UGT2B10: variants seen among roughly 807,000 people sequenced by gnomAD.
The protein encoded by UGT2B10 is UDP glucuronosyltransferase family 2 member B10, also known as UDP-glucuronosyltransferase 2B10.
In UGT2B10, 51 loss-of-function variants were observed where a neutral mutation model predicts 43.7. The observed-to-expected ratio is 1.17, with a 90% CI of 0.93 to 1.47. The LOEUF (loss-of-function observed/expected upper bound fraction) is 1.47. Among genes scored for constraint, UGT2B10 ranks in the 40% most tolerant of loss-of-function variants. The probability of loss-of-function intolerance (pLI) is 0.00; values close to 1 mark genes in which losing one functional copy is unlikely to be tolerated. For synonymous variants in UGT2B10, 225 were observed against 209.0 expected, an observed-to-expected ratio of 1.08 and a Z score of -0.66; for missense variants, 696 against 617.7, an observed-to-expected ratio of 1.13 and a Z score of -1.34.
intron 2 of UGT2B10, among the ~76,000 whole-genome samples, chr4:68,819,860 AG>A (rs1020645537): frequency 2.0e-5 from 3 of 152,082 alleles, no homozygotes; most frequent in Non-Finnish European, 4.4e-5. Context: ...TCACATTTTA[AG>A]GCATATGTAA....
rs961859315 is a variant in UGT2B10, at chr4:68,830,924, C to T, written c.*45C>T. The T allele has an allele frequency of 6.4e-7, 1 of 1,570,078 alleles. No individual in the cohort carries two copies. Among genetic ancestry groups the T allele is most frequent in the Non-Finnish European group, 8.6e-7 (1 of 1,158,708 alleles). On this transcript the variant is annotated 3_prime_UTR_variant, in exon 6 of 6. Transcript: ENST00000265403. The stretch of plus-strand genomic sequence containing the variant: ...CTGGAAAACCTGATAGATAGGAATA[C>T]TTCAGTTGATTCCAGCAATAAATAT...
chr4:68,826,988 C>T (rs1187955541), intron 4 of UGT2B10, among the ~76,000 whole-genome samples: 4 of 152,090 alleles, frequency 2.6e-5, no homozygotes, highest in Non-Finnish European at 4.4e-5. Flanking sequence ...CTGCCTTGCA[C>T]ACCCCACATA....
chr4:68,826,532 T>A (rs770474112), intron 4 of UGT2B10, 35 bp downstream of exon 4: 11 of 1,588,422 alleles, frequency 6.9e-6, no homozygotes, highest in Non-Finnish European at 9.4e-6. Flanking sequence ...GATATATTAG[T>A]AACTGCACAT....
intron 2 of UGT2B10, among the ~76,000 whole-genome samples, chr4:68,819,310 A>G (rs1394111125): frequency 6.6e-6 from 1 of 151,934 alleles, no homozygotes; most frequent in Non-Finnish European, 1.5e-5. Flanking sequence ...TCAGCACATC[A>G]AGGTTATATT....
At chr4:68,818,779 TTCTCAA>T (rs1737351900) in intron 2 of UGT2B10, among the ~76,000 whole-genome samples, 1 of 151,790 alleles carries the variant, frequency 6.6e-6, no homozygotes, top group African/African-American at 2.4e-5. Context: ...GTCAGGACAG[TTCTCAA>T]GTCCTCAGGT....
intron 4 of UGT2B10, 139 bp from the exon 5 acceptor site, chr4:68,827,190 T>A: frequency 1.4e-6 from 2 of 1,412,078 alleles, no homozygotes; most frequent in Admixed American, 4.4e-5. Flanking sequence ...CAAGTACCTG[T>A]TTTTTCCTCT....
chr4:68,816,995 T>A (rs1269856565), intron 1 of UGT2B10, among the ~76,000 whole-genome samples: 1 of 151,854 alleles, frequency 6.6e-6, no homozygotes, highest in Non-Finnish European at 1.5e-5. Context: ...CCTAAGACTT[T>A]AAGCAATTAT....
intron 2 of UGT2B10, among the ~76,000 whole-genome samples, chr4:68,818,885 A>G (rs1412944047): frequency 6.6e-6 from 1 of 151,872 alleles, no homozygotes; most frequent in Non-Finnish European, 1.5e-5. Context: ...TTTATTAAGA[A>G]CATTGAAAAC....
chr4:68,826,021 T>C (rs564869744), intron 3 of UGT2B10, among the ~76,000 whole-genome samples: 30 of 152,216 alleles, frequency 2.0e-4, no homozygotes, highest in African/African-American at 7.0e-4. Context: ...GAGTTTTTAA[T>C]AATGGCCATT....
At chr4:68,824,023 C>T (rs1211613814) in intron 3 of UGT2B10, among the ~76,000 whole-genome samples, 19 of 152,122 alleles carry the variant, frequency 1.2e-4, no homozygotes, top group Admixed American at 1.1e-3. Flanking sequence ...GAAAAAGTTA[C>T]GTTTTAATGG....
chr4:68,831,669 T>G lies in UGT2B10; in HGVS notation c.*790T>G, dbSNP rs1446621177. On this transcript the variant is annotated 3_prime_UTR_variant, in exon 6 of 6. Transcript: ENST00000265403. The stretch of plus-strand genomic sequence containing the variant: ...ATCTAAAATTGCTTTCTGTTAAAGC[T>G]TTACTGATTAGTTTTTCTTCCAAAG... 2.6e-5 allele frequency among the ~76,000 whole-genome samples: 4 copies of G among 152,168 alleles called. No homozygotes were observed. Among genetic ancestry groups the G allele is most frequent in the African/African-American group, 4.8e-5 (2 of 41,472 alleles).
At chr4:68,822,212 G>C (rs1031326938) in intron 2 of UGT2B10, 59 bp from the exon 3 acceptor site, 1 of 1,579,578 alleles carries the variant, frequency 6.3e-7, no homozygotes, top group African/African-American at 1.4e-5. Context: ...CAATTCTTTC[G>C]GTAGTGCCTG....
chr4:68,829,761 A>G (rs566819727), intron 5 of UGT2B10, among the ~76,000 whole-genome samples: 62 of 152,172 alleles, frequency 4.1e-4, no homozygotes, highest in African/African-American at 1.3e-3. Flanking sequence ...AAGCTTAAAG[A>G]AAAATAGTAG....
intron 1 of UGT2B10, 69 bp from the exon 2 acceptor site, chr4:68,817,960 C>T: frequency 9.7e-6 from 15 of 1,551,692 alleles, no homozygotes; most frequent in South Asian, 1.3e-5. Context: ...TTATTCTAAC[C>T]CCTTTCAGAA....
intron 3 of UGT2B10, among the ~76,000 whole-genome samples, chr4:68,824,831 A>G (rs1008023487): frequency 1.3e-5 from 2 of 152,130 alleles, no homozygotes; most frequent in African/African-American, 4.8e-5. Context: ...AGCAAAATAC[A>G]ATTTTGAGGT....
Position 68,816,680 on chromosome 4 carries a change from T to G in UGT2B10, c.661T>G (p.Phe221Val). 1.9e-6 allele frequency: 3 copies of G among 1,611,768 alleles called. No homozygotes were observed. Among genetic ancestry groups the G allele is most frequent in the Non-Finnish European group, 2.5e-6 (3 of 1,178,818 alleles). ...TATGCTCTATGTGCTTTATTTTGAC[T>G]TTTGGTTCCAAATATTTAATATGAA... is the stretch of plus-strand genomic sequence containing the variant. ...KNMLYVLYFDFWFQIFNMKKW... is the reference protein window; with the variant it reads ...KNMLYVLYFDVWFQIFNMKKW... Residue 221 changes from phenylalanine (F) to valine (V), a missense_variant, in exon 1 of 6, where the codon TTT becomes GTT. By Grantham distance (50) the Phe-to-Val change is conservative (BLOSUM62 -1). Coordinates refer to ENST00000265403, the MANE Select transcript of UGT2B10 (RefSeq NM_001075.6).
In UGT2B10 at chr4:68,830,966, T is replaced by C; in HGVS notation, c.*87T>C. On this transcript the variant is annotated 3_prime_UTR_variant, in exon 6 of 6. Coordinates refer to ENST00000265403, the MANE Select transcript of UGT2B10 (RefSeq NM_001075.6). ...AATAAATATTGTGATGCAAGATTTC[T>C]TTCTTCCTGTGACAAAAAAAAATCC... 1 of 1,496,992 alleles carries C rather than the reference T, an allele frequency of 6.7e-7. No individual in the cohort carries two copies. Among genetic ancestry groups the C allele is most frequent in the African/African-American group, 1.4e-5 (1 of 71,190 alleles). 92.7% of individuals were successfully genotyped at this position (1,496,992 alleles called of 1,614,324 possible).
rs1578264088 is a variant in UGT2B10, at chr4:68,818,766, G to T, written c.867+589G>T. 8.6e-5 allele frequency among the ~76,000 whole-genome samples: 13 copies of T among 151,928 alleles called. No individual in the cohort carries two copies. In the South Asian group the frequency reaches 2.7e-3, roughly 31 times the overall value. ...CAGACAAAAAGGGAAAGCAGATAAA[G>T]TGGTCAGGACAGTTCTCAAGTCCTC... On this transcript the variant is annotated intron_variant, in intron 2 of 5. Coordinates refer to ENST00000265403, the MANE Select transcript of UGT2B10 (RefSeq NM_001075.6).
At chr4:68,818,340 A>G (rs1737326861) in intron 2 of UGT2B10, among the ~76,000 whole-genome samples, 163 bp downstream of exon 2, 1 of 151,814 alleles carries the variant, frequency 6.6e-6, no homozygotes, top group Non-Finnish European at 1.5e-5. Context: ...ATACCATCAC[A>G]CGTATGTGAG....
Sources: allele counts gnomAD v4.1 joint callset (sites outside exome capture counted in the v4.1 genomes callset), GRCh38; gene constraint gnomAD v4.1.1; transcripts MANE v1.5; gene names NCBI Gene and HGNC (gene_info 2026-07-23, HGNC 2026-07-21).